The following AOPEP variants were observed in gnomAD, a reference collection of about 807,000 sequenced individuals.
AOPEP encodes the protein aminopeptidase O.
AOPEP carries 77 observed loss-of-function variants against 98.1 expected under a neutral mutation model. The observed-to-expected ratio is 0.78, with a 90% CI of 0.65 to 0.95. The LOEUF is 0.95. Among genes scored for constraint, AOPEP ranks in the 40% least tolerant of loss-of-function variants. The probability of loss-of-function intolerance (pLI) is 0.00; values close to 1 mark genes in which losing one functional copy is unlikely to be tolerated. For missense variants in AOPEP, 1,024 were observed against 1,024.7 expected (o/e 1.00, Z 0.01); for synonymous variants, 346 against 365.3 (o/e 0.95, Z 0.60).
intron 9 of AOPEP, among the ~76,000 whole-genome samples, chr9:94,959,870 GATTAT>G (rs1160732034): frequency 3.3e-5 from 5 of 152,132 alleles, no homozygotes; most frequent in Admixed American, 2.0e-4. Flanking sequence ...ATAAAAATAG[GATTAT>G]ATTATATGTG....
At chr9:94,932,141 T>TA in intron 7 of AOPEP, 1 of 1,006,520 alleles carries the variant, frequency 9.9e-7, no homozygotes, top group South Asian at 4.7e-5. Context: ...TTAAAACAAA[T>TA]AAAAAAACAA....
intron 15 of AOPEP, among the ~76,000 whole-genome samples, chr9:95,082,354 G>A (rs530372715): frequency 6.6e-6 from 1 of 152,348 alleles, no homozygotes; most frequent in Admixed American, 6.5e-5. Context: ...AGAGAATTGG[G>A]AGCTGAGGAT....
chr9:95,103,342 G>C, the AOPEP span, among the ~76,000 whole-genome samples: 1 of 152,196 alleles, frequency 6.6e-6, no homozygotes, highest in Non-Finnish European at 1.5e-5. Context: ...CTCCCTGCTG[G>C]CCTTGGCTGG....
chr9:95,066,373 GATAA>G (rs768416098), intron 14 of AOPEP, among the ~76,000 whole-genome samples: 52 of 152,188 alleles, frequency 3.4e-4, no homozygotes, highest in Admixed American at 3.1e-3. Context: ...TTCTTTTTTA[GATAA>G]ATAATTTCCT....
At chr9:95,071,305 C>CA (rs2068483860) in intron 14 of AOPEP, among the ~76,000 whole-genome samples, 1 of 130,294 alleles carries the variant, frequency 7.7e-6, no homozygotes, top group Non-Finnish European at 1.6e-5. Context: ...CACACACACA[C>CA]AAAAAAATGC....
rs114499388 is a variant in AOPEP, at chr9:94,930,234, C to A, written c.1661+1703C>A. 1.3e-5 allele frequency among the ~76,000 whole-genome samples: 2 copies of A among 152,030 alleles called. No homozygotes were observed. The highest frequency in any genetic ancestry group is 6.5e-5 in the Admixed American group (1 of 15,274). On this transcript the variant is annotated intron_variant, in intron 7 of 16. Coordinates refer to ENST00000375315, the MANE Select transcript of AOPEP (RefSeq NM_001193329.3). This position sits in a 1 kb window ranked among gnomAD's most constrained non-coding sequence, Gnocchi z 4.5. ...TTTGAAATGTGTTTTGGCTGTGGAACGGGCAGGTCTTTGGTTGATTGAATG... is the reference window on the plus strand; with the variant it reads ...TTTGAAATGTGTTTTGGCTGTGGAAAGGGCAGGTCTTTGGTTGATTGAATG...
At chr9:94,814,809 C>T (rs1466521006) in intron 5 of AOPEP, among the ~76,000 whole-genome samples, 9 of 152,124 alleles carry the variant, frequency 5.9e-5, no homozygotes, top group Non-Finnish European at 1.0e-4. Context: ...CACTGTCGGA[C>T]GTAAGGGAAT....
chr9:94,830,793 C>T (rs1290547748), intron 5 of AOPEP, among the ~76,000 whole-genome samples: 2 of 152,188 alleles, frequency 1.3e-5, no homozygotes, highest in Admixed American at 6.5e-5. Flanking sequence ...TTGCATTTCT[C>T]TAATGACCAG....
chr9:94,840,164 C>T (rs539842928), intron 5 of AOPEP, among the ~76,000 whole-genome samples: 1 of 152,290 alleles, frequency 6.6e-6, no homozygotes, highest in South Asian at 2.1e-4. Context: ...AGGTTGAGGA[C>T]AGTCCCTTCT....
rs1286989288 is a variant in AOPEP at position 94,930,668 on chromosome 9, A to G, written c.1661+2137A>G. 6.6e-6 allele frequency among the ~76,000 whole-genome samples: 1 copy of G among 152,036 alleles called. No individual in the cohort carries two copies. The highest frequency in any genetic ancestry group is 1.5e-5 in the Non-Finnish European group (1 of 68,018). On this transcript the variant is annotated intron_variant, in intron 7 of 16. Coordinates refer to ENST00000375315, the MANE Select transcript of AOPEP (RefSeq NM_001193329.3). This position sits in a 1 kb window ranked among gnomAD's most constrained non-coding sequence, Gnocchi z 4.5. The stretch of plus-strand genomic sequence containing the variant: ...GGAAGCCAGAAAAGAAGCTGAGGCA[A>G]GCAGGTGGGAGTGGCTGATGTTGGA...
At chr9:94,840,743 A>ATT (rs557911325) in intron 5 of AOPEP, among the ~76,000 whole-genome samples, 1 of 146,862 alleles carries the variant, frequency 6.8e-6, no homozygotes, top group Non-Finnish European at 1.5e-5. Flanking sequence ...GTATTCATGC[A>ATT]TTTTTTTTTT....
chr9:95,061,380 C>T (rs1290393102), intron 14 of AOPEP, among the ~76,000 whole-genome samples: 1 of 152,154 alleles, frequency 6.6e-6, no homozygotes, highest in Non-Finnish European at 1.5e-5. Flanking sequence ...ATAATGTATT[C>T]AGACATCTTA....
chr9:94,856,518 G>C (rs1163075202), intron 5 of AOPEP, among the ~76,000 whole-genome samples: 1 of 152,014 alleles, frequency 6.6e-6, no homozygotes, highest in African/African-American at 2.4e-5. Context: ...GTGCATGCCT[G>C]TAATCCCAGC....
intron 5 of AOPEP, among the ~76,000 whole-genome samples, chr9:94,818,418 G>A (rs1852178015): frequency 6.6e-6 from 1 of 152,170 alleles, no homozygotes; most frequent in African/African-American, 2.4e-5. Context: ...TAGGTATGGT[G>A]ACTTAGCATG....
intron 10 of AOPEP, among the ~76,000 whole-genome samples, chr9:94,970,963 A>G (rs146289795): frequency 0.011 from 1,731 of 152,280 alleles, 20 homozygotes; most frequent in Non-Finnish European, 0.016. Flanking sequence ...GTGACTATGC[A>G]TTCTTTCAAA....
intron 13 of AOPEP, among the ~76,000 whole-genome samples, chr9:95,054,166 G>A (rs2066627677): frequency 1.3e-5 from 2 of 152,180 alleles, no homozygotes; most frequent in South Asian, 2.1e-4. Flanking sequence ...TCATGGCAGG[G>A]TGAATAGACA....
chr9:94,819,014 CA>C (rs1180356702), intron 5 of AOPEP, among the ~76,000 whole-genome samples: 1 of 151,798 alleles, frequency 6.6e-6, no homozygotes, highest in South Asian at 2.1e-4. Context: ...AGCAAACAAA[CA>C]AAAAAAATAA....
chr9:95,020,986 T>C (rs1564533815), intron 13 of AOPEP, among the ~76,000 whole-genome samples: 1 of 150,294 alleles, frequency 6.7e-6, no homozygotes, highest in Non-Finnish European at 1.5e-5. Context: ...AATGCAGTAA[T>C]GGCACTCTCA....
the AOPEP span, chr9:95,145,482 AGTCTTCCCCCAACAACACTGGGT>A: frequency 6.6e-6 from 1 of 152,228 alleles, no homozygotes; most frequent in Non-Finnish European, 1.5e-5. Context: ...TACTTACAGG[AGTCTTCCCCCAACAACACTGGGT>A]GTCTTCCCTG....
Sources: allele counts gnomAD v4.1 joint callset (sites outside exome capture counted in the v4.1 genomes callset), GRCh38; gene constraint gnomAD v4.1.1; non-coding constraint Gnocchi (gnomAD v3.1); transcripts MANE v1.5; gene names NCBI Gene and HGNC (gene_info 2026-07-23, HGNC 2026-07-21).